GRID2: variants seen among roughly 807,000 people sequenced by gnomAD.
The protein encoded by GRID2 is glutamate ionotropic receptor delta type subunit 2.
A neutral mutation model predicts 114.8 loss-of-function variants in GRID2; 33 were observed. The observed-to-expected ratio is 0.29, with a 90% CI of 0.22 to 0.38. The LOEUF is 0.38. Among genes scored for constraint, GRID2 ranks in the 10% least tolerant of loss-of-function variants. The probability of loss-of-function intolerance (pLI) is 1.00; values close to 1 mark genes in which losing one functional copy is unlikely to be tolerated. For synonymous variants in GRID2, 505 were observed against 449.9 expected (o/e 1.12, Z -1.55); for missense variants, 1,184 against 1,257.7 (o/e 0.94, Z 0.89).
intron 1 of GRID2, among the ~76,000 whole-genome samples, chr4:92,339,610 A>G (rs1727369182): frequency 6.6e-6 from 1 of 152,192 alleles, no homozygotes. Context: ...CAGGTAATTA[A>G]TTAGCTCAAG....
chr4:92,340,155 T>C (rs1727403832), intron 1 of GRID2, among the ~76,000 whole-genome samples: 1 of 152,212 alleles, frequency 6.6e-6, no homozygotes, highest in African/African-American at 2.4e-5. Flanking sequence ...GGAGAAATTA[T>C]GATTCTAGTT....
At chr4:92,639,683 G>A (rs1731249421) in intron 2 of GRID2, among the ~76,000 whole-genome samples, 1 of 151,652 alleles carries the variant, frequency 6.6e-6, no homozygotes, top group African/African-American at 2.4e-5. Flanking sequence ...TGACTTCATG[G>A]ATACGACGTG....
intron 2 of GRID2, among the ~76,000 whole-genome samples, chr4:93,012,498 A>G (rs1722281040): frequency 6.6e-6 from 1 of 152,068 alleles, no homozygotes; most frequent in South Asian, 2.1e-4. Flanking sequence ...GTGTAAATCT[A>G]CTGTGCATTT....
chr4:93,661,239 A>G (rs1723463394), intron 14 of GRID2, among the ~76,000 whole-genome samples: 1 of 152,234 alleles, frequency 6.6e-6, no homozygotes, highest in Non-Finnish European at 1.5e-5. Flanking sequence ...AGAAATGCAC[A>G]GAGTGGTGAA....
intron 2 of GRID2, among the ~76,000 whole-genome samples, chr4:92,738,226 G>C (rs182157375): frequency 1.9e-4 from 29 of 152,166 alleles, no homozygotes; most frequent in Admixed American, 1.8e-3. Context: ...GTCTTCTTTT[G>C]AGAAAAGTTA....
chr4:93,520,365 G>A (rs1398079588), intron 13 of GRID2, among the ~76,000 whole-genome samples: 1 of 152,118 alleles, frequency 6.6e-6, no homozygotes, highest in Non-Finnish European at 1.5e-5. Context: ...TCATGAAGAG[G>A]ATGTTGCCAT....
intron 2 of GRID2, among the ~76,000 whole-genome samples, chr4:92,931,333 T>C (rs1750217819): frequency 6.6e-6 from 1 of 150,982 alleles, no homozygotes; most frequent in South Asian, 2.1e-4. Flanking sequence ...TTCCACACTT[T>C]TCTGAAGGGC....
intron 4 of GRID2, among the ~76,000 whole-genome samples, chr4:93,137,455 T>G (rs2149382211): frequency 6.6e-6 from 1 of 152,254 alleles, no homozygotes; most frequent in South Asian, 2.1e-4. Context: ...ACCTAATATT[T>G]TAGGCCTAGA....
At chr4:93,027,685 A>G (rs1021909326) in intron 2 of GRID2, among the ~76,000 whole-genome samples, 2 of 152,154 alleles carry the variant, frequency 1.3e-5, no homozygotes, top group African/African-American at 4.8e-5. Context: ...ACATTTTTTA[A>G]CTTCAAATTT....
chr4:92,548,172 A>C (rs1726370398), intron 1 of GRID2, among the ~76,000 whole-genome samples: 1 of 152,050 alleles, frequency 6.6e-6, no homozygotes. Context: ...CAAAATCAAG[A>C]CTTCTCAATT....
At chr4:93,673,605 A>G (rs1302642654) in intron 14 of GRID2, among the ~76,000 whole-genome samples, 1 of 152,222 alleles carries the variant, frequency 6.6e-6, no homozygotes, top group African/African-American at 2.4e-5. Flanking sequence ...CAATTGAAAC[A>G]TTCCAAATGA....
chr4:93,458,699 G>A lies in GRID2; in HGVS notation c.1858+2725G>A, dbSNP rs545518424. Among the ~76,000 whole-genome samples the A allele has an allele frequency of 6.6e-5, 10 of 152,176 alleles. No homozygotes were observed. In the South Asian group the frequency reaches 2.1e-3, roughly 32 times the overall value. On this transcript the variant is annotated intron_variant, in intron 11 of 15. Coordinates refer to ENST00000282020, the MANE Select transcript of GRID2 (RefSeq NM_001510.4). ...TATAACTTATATAAGTGTCACATAA[G>A]TGTTTACTAAATAAATAAAACAATG... is the stretch of plus-strand genomic sequence containing the variant.
intron 13 of GRID2, among the ~76,000 whole-genome samples, chr4:93,602,516 T>C (rs1356857077): frequency 1.3e-5 from 2 of 152,210 alleles, no homozygotes; most frequent in Non-Finnish European, 2.9e-5. Flanking sequence ...TTTTCATTGT[T>C]ATTATATCTG....
In GRID2 at chr4:92,699,848, GA is replaced by G. The variant is rs538684186; in HGVS notation, c.244+109563del. On this transcript the variant is annotated intron_variant, in intron 2 of 15. Coordinates refer to ENST00000282020, the MANE Select transcript of GRID2 (RefSeq NM_001510.4). ...GATTTATAAAATTCTGTTATTTTTG[GA>G]TTAATAAAAGCCCTTTTAGATCTGA... 2.7e-3 allele frequency among the ~76,000 whole-genome samples: 415 copies of G among 151,972 alleles called. 1 individual carries two copies. Among genetic ancestry groups the G allele is most frequent in the African/African-American group, 9.2e-3 (380 of 41,444 alleles).
At chr4:93,523,004 GTGTTGCAGGGTCAGT>G (rs951846542) in intron 13 of GRID2, among the ~76,000 whole-genome samples, 1 of 152,122 alleles carries the variant, frequency 6.6e-6, no homozygotes, top group Non-Finnish European at 1.5e-5. Context: ...TGTTGGAGGA[GTGTTGCAGGGTCAGT>G]TAGTGACCAC....
At chr4:92,952,567 A>G (rs1414233490) in intron 2 of GRID2, among the ~76,000 whole-genome samples, 2 of 152,214 alleles carry the variant, frequency 1.3e-5, no homozygotes, top group African/African-American at 4.8e-5. Flanking sequence ...TAGTACAATT[A>G]TATTAAGAGG....
At chr4:92,514,149 T>G (rs1724388961) in intron 1 of GRID2, among the ~76,000 whole-genome samples, 1 of 151,886 alleles carries the variant, frequency 6.6e-6, no homozygotes, top group Non-Finnish European at 1.5e-5. Context: ...TGAGTTCTGT[T>G]TTACCCATAA....
intron 1 of GRID2, among the ~76,000 whole-genome samples, chr4:92,482,874 A>C (rs1195447419): frequency 2.0e-5 from 3 of 152,228 alleles, no homozygotes; most frequent in African/African-American, 7.2e-5. Flanking sequence ...ATTATTCTCT[A>C]AATTCTATGT....
chr4:93,265,975 G>A (rs1750780701), intron 8 of GRID2, among the ~76,000 whole-genome samples: 1 of 152,056 alleles, frequency 6.6e-6, no homozygotes, highest in African/African-American at 2.4e-5. Flanking sequence ...TCAGGGTTTT[G>A]GGTGGCTGGA....
Sources: gnomAD v4.1 joint callset for allele counts (sites outside exome capture counted in the v4.1 genomes callset) on GRCh38, gnomAD v4.1.1 for gene constraint, MANE v1.5 for transcripts, NCBI Gene and HGNC (gene_info 2026-07-23, HGNC 2026-07-21) for gene names.